The following SYNDIG1L variants were observed in gnomAD, a reference collection of about 807,000 sequenced individuals.
The protein encoded by SYNDIG1L is synapse differentiation-inducing gene protein 1-like.
Under a neutral mutation model 20.1 loss-of-function variants are expected in SYNDIG1L, and 13 were observed. That is an observed-to-expected ratio of 0.65 (90% CI 0.42 to 1.03). The LOEUF is 1.03. Ranked by LOEUF, SYNDIG1L falls within the 50% of genes least tolerant of loss-of-function variation. The pLI, the probability that SYNDIG1L is intolerant of heterozygous loss-of-function variation, is 0.00. For missense variants in SYNDIG1L, 294 were observed against 305.1 expected (o/e 0.96, Z 0.27); for synonymous variants, 128 against 129.3 (o/e 0.99, Z 0.07).
the SYNDIG1L span, among the ~76,000 whole-genome samples, chr14:74,449,566 T>G: frequency 6.7e-6 from 1 of 148,362 alleles, no homozygotes; most frequent in Non-Finnish European, 1.5e-5. Flanking sequence ...GAGCTATGAT[T>G]GTGCCACTGT....
At chr14:74,440,402 T>A in the SYNDIG1L span, among the ~76,000 whole-genome samples, 1 of 151,662 alleles carries the variant, frequency 6.6e-6, no homozygotes, top group Non-Finnish European at 1.5e-5. Context: ...TAGTCCCAGC[T>A]ACCGGGGAGG....
chr14:74,439,253 G>A, the SYNDIG1L span, among the ~76,000 whole-genome samples: 10 of 152,026 alleles, frequency 6.6e-5, no homozygotes, highest in African/African-American at 1.7e-4. Context: ...CACTCAGAGC[G>A]TTGTACTTTT....
At position 74,409,777 on chromosome 14, in the gene SYNDIG1L, G is replaced by A; in HGVS notation, c.-33C>T. ...GGGCAGCTGCTGGGGAGGGGGGCCTGGGCCAGCTGAGCAGTCCTCAGAGCC... is the reference window on the plus strand; with the variant it reads ...GGGCAGCTGCTGGGGAGGGGGGCCTAGGCCAGCTGAGCAGTCCTCAGAGCC... On this transcript the variant is annotated 5_prime_UTR_variant, in exon 2 of 4. Coordinates refer to ENST00000331628, the MANE Select transcript of SYNDIG1L (RefSeq NM_001105579.2). 1 of 1,413,478 alleles carries A rather than the reference G, an allele frequency of 7.1e-7. No individual in the cohort carries two copies. The highest frequency in any genetic ancestry group is 2.0e-5 in the South Asian group (1 of 50,976). The allele number at this position is 1,413,478 out of a possible 1,614,324, so 87.6% of individuals were successfully genotyped here.
rs186608628 is a variant in SYNDIG1L, at chr14:74,406,770, G to C, written c.*765C>G. ...GAAAAGGATGATAGGGGCGGGGAGT[G>C]GGGGGAGAGTAGGAAGAGTCATGTA... On this transcript the variant is annotated 3_prime_UTR_variant, in exon 4 of 4. Transcript: ENST00000331628. The C allele has an allele frequency of 7.5e-3, 1,134 of 152,092 alleles. 13 individuals are homozygous for C. Among genetic ancestry groups the C allele is most frequent in the Middle Eastern group, 0.054 (16 of 294 alleles). The allele number at this position is 152,092 out of a possible 1,614,324, so 9.4% of individuals were successfully genotyped here. A position where few individuals can be genotyped will look rare whatever the true frequency, so the allele number is the denominator to read the frequency against.
chr14:74,446,997 T>C, the SYNDIG1L span, among the ~76,000 whole-genome samples: 4 of 152,208 alleles, frequency 2.6e-5, no homozygotes, highest in Admixed American at 2.6e-4. Flanking sequence ...TTCCAGCATT[T>C]TGGGAGGCCC....
the SYNDIG1L span, among the ~76,000 whole-genome samples, chr14:74,452,549 C>A: frequency 1.3e-5 from 2 of 152,168 alleles, no homozygotes; most frequent in East Asian, 3.8e-4. Flanking sequence ...GAGGCTTCCC[C>A]AGCCATGTGG....
the SYNDIG1L span, among the ~76,000 whole-genome samples, chr14:74,465,974 C>G: frequency 1.3e-5 from 2 of 152,216 alleles, no homozygotes; most frequent in Non-Finnish European, 2.9e-5. Context: ...AAGGATCTCT[C>G]CACAAGAGGA....
the SYNDIG1L span, among the ~76,000 whole-genome samples, chr14:74,470,492 G>A: frequency 6.6e-6 from 1 of 152,180 alleles, no homozygotes; most frequent in South Asian, 2.1e-4. Flanking sequence ...ACAATGCATT[G>A]GAAATGAAGG....
chr14:74,424,112 T>C (rs1387078922), intron 1 of SYNDIG1L, among the ~76,000 whole-genome samples: 1 of 152,212 alleles, frequency 6.6e-6, no homozygotes, highest in East Asian at 1.9e-4. Flanking sequence ...AACTTTGTTG[T>C]CAAACCAGGT....
chr14:74,433,813 C>G, the SYNDIG1L span, among the ~76,000 whole-genome samples: 10 of 152,154 alleles, frequency 6.6e-5, no homozygotes, highest in Non-Finnish European at 1.0e-4. Context: ...AGATTCCAAC[C>G]CAGGCAGCCT....
chr14:74,432,204 G>A, the SYNDIG1L span, among the ~76,000 whole-genome samples: 11,214 of 139,016 alleles, frequency 0.081, 697 homozygotes, highest in South Asian at 0.18. Context: ...AGAGAGAAAG[G>A]GAGAAGAAGG....
chr14:74,475,889 G>A, the SYNDIG1L span, among the ~76,000 whole-genome samples: 6 of 152,134 alleles, frequency 3.9e-5, no homozygotes, highest in South Asian at 2.1e-4. Context: ...TCCTTTCAGC[G>A]TCTCAATGCA....
chr14:74,407,507 G>C lies in SYNDIG1L; in HGVS notation c.*28C>G, dbSNP rs376639950. ...CCCACTGCTTCCTCAGGTGGGCAGGGGAGTCAGGATGCAGGCCCTACTGGC... is the reference window on the plus strand; with the variant it reads ...CCCACTGCTTCCTCAGGTGGGCAGGCGAGTCAGGATGCAGGCCCTACTGGC... On this transcript the variant is annotated 3_prime_UTR_variant, in exon 4 of 4. Coordinates refer to ENST00000331628, the MANE Select transcript of SYNDIG1L (RefSeq NM_001105579.2). The C allele has an allele frequency of 1.9e-6, 3 of 1,612,538 alleles. No individual in the cohort carries two copies. Among genetic ancestry groups the C allele is most frequent in the Non-Finnish European group, 8.5e-7 (1 of 1,179,792 alleles).
At chr14:74,417,769 C>A (rs932186220) in intron 1 of SYNDIG1L, among the ~76,000 whole-genome samples, 1 of 151,960 alleles carries the variant, frequency 6.6e-6, no homozygotes, top group African/African-American at 2.4e-5. Context: ...ATGTGGTAGG[C>A]GTGAGAGTGG....
chr14:74,427,041 C>T (rs1191892642), upstream of SYNDIG1L, among the ~76,000 whole-genome samples: 1 of 151,682 alleles, frequency 6.6e-6, no homozygotes, highest in East Asian at 1.9e-4. Flanking sequence ...AGCAAGAGCC[C>T]TGAGATCCGA....
At chr14:74,439,557 A>T in the SYNDIG1L span, among the ~76,000 whole-genome samples, 2 of 152,106 alleles carry the variant, frequency 1.3e-5, no homozygotes, top group Non-Finnish European at 2.9e-5. Flanking sequence ...ATGTATATTT[A>T]CATTTACAAT....
chr14:74,451,939 G>A, the SYNDIG1L span, among the ~76,000 whole-genome samples: 256 of 138,930 alleles, frequency 1.8e-3, 2 homozygotes, highest in African/African-American at 6.0e-3. Flanking sequence ...GCAGTGAGCC[G>A]AGACCATGCC....
chr14:74,466,953 T>A, the SYNDIG1L span, among the ~76,000 whole-genome samples: 1 of 152,140 alleles, frequency 6.6e-6, no homozygotes, highest in Non-Finnish European at 1.5e-5. Flanking sequence ...ATTTTACCCT[T>A]CCTTCCTCTC....
rs765955068 is a variant in SYNDIG1L at position 74,409,772 on chromosome 14, G to A, written c.-28C>T. 2.8e-6 allele frequency: 4 copies of A among 1,412,942 alleles called. No individual in the cohort carries two copies. In the South Asian group the frequency reaches 7.8e-5, roughly 28 times the overall value. The allele number at this position is 1,412,942 out of a possible 1,614,324, so 87.5% of individuals were successfully genotyped here. ...TTCTGGGGCAGCTGCTGGGGAGGGG[G>A]GCCTGGGCCAGCTGAGCAGTCCTCA... On this transcript the variant is annotated 5_prime_UTR_variant, in exon 2 of 4. Coordinates refer to ENST00000331628, the MANE Select transcript of SYNDIG1L (RefSeq NM_001105579.2).
Sources: allele counts gnomAD v4.1 joint callset (sites outside exome capture counted in the v4.1 genomes callset), GRCh38; gene constraint gnomAD v4.1.1; transcripts MANE v1.5; gene names NCBI Gene and HGNC (gene_info 2026-07-23, HGNC 2026-07-21).